The following ERBB4 variants were observed in gnomAD, a reference collection of about 807,000 sequenced individuals.
The protein encoded by ERBB4 is erb-b2 receptor tyrosine kinase 4.
A neutral mutation model predicts 158.0 loss-of-function variants in ERBB4; 42 were observed. The observed-to-expected ratio is 0.27, with a 90% confidence interval of 0.21 to 0.34. The LOEUF (loss-of-function observed/expected upper bound fraction) is 0.34, where lower values mean the gene tolerates loss of function less well. Ranked by LOEUF, ERBB4 falls within the 10% of genes least tolerant of loss-of-function variation. ERBB4 has a pLI of 1.00. For missense variants in ERBB4, 1,333 were observed against 1,624.1 expected (o/e 0.82, Z 3.08); for synonymous variants, 583 against 558.7 (o/e 1.04, Z -0.61).
chr2:211,422,200 G>A lies in ERBB4; in HGVS notation c.2867-96C>T, dbSNP rs1417789586. The stretch of plus-strand genomic sequence containing the variant: ...AAATATGAGCAAAAGTTTGAAAAAT[G>A]TTGTTTTAATCGTAATGATCTGAGA... On this transcript the variant is annotated intron_variant, in intron 23 of 27. Transcript: ENST00000342788. 4.0e-6 allele frequency: 3 copies of A among 752,210 alleles called. No homozygotes were observed. The African/African-American group carries it at 5.3e-5, about 13-fold the overall frequency. The allele number at this position is 752,210 out of a possible 1,614,324, so 46.6% of individuals were successfully genotyped here.
At chr2:211,988,543 A>C (rs1464879116) in intron 2 of ERBB4, among the ~76,000 whole-genome samples, 1 of 152,070 alleles carries the variant, frequency 6.6e-6, no homozygotes, top group African/African-American at 2.4e-5. Flanking sequence ...GATATGCTTT[A>C]CCTTTGCCCA....
chr2:211,776,653 A>G (rs893414929), intron 4 of ERBB4, among the ~76,000 whole-genome samples: 1 of 152,240 alleles, frequency 6.6e-6, no homozygotes, highest in Non-Finnish European at 1.5e-5. Context: ...AGTGAAAATT[A>G]AAATATGAGA....
intron 3 of ERBB4, among the ~76,000 whole-genome samples, chr2:211,912,947 C>A (rs1231871072): frequency 2.0e-5 from 3 of 152,190 alleles, no homozygotes; most frequent in Non-Finnish European, 4.4e-5. Context: ...TTCTCCCTAT[C>A]ATCACCTGTC....
At chr2:212,423,362 C>T (rs2091840657) in intron 1 of ERBB4, among the ~76,000 whole-genome samples, 1 of 152,096 alleles carries the variant, frequency 6.6e-6, no homozygotes, top group African/African-American at 2.4e-5. Flanking sequence ...ATCTGAATCA[C>T]AGAAAAAAGA....
At chr2:211,404,644 G>GTGTT (rs879934899) in intron 25 of ERBB4, among the ~76,000 whole-genome samples, 5 of 151,890 alleles carry the variant, frequency 3.3e-5, no homozygotes, top group Admixed American at 6.6e-5. Context: ...TCTTGGTTAA[G>GTGTT]TGTTTGTTTG....
chr2:212,309,285 C>T (rs527383316), intron 1 of ERBB4, among the ~76,000 whole-genome samples: 43 of 150,956 alleles, frequency 2.8e-4, no homozygotes, highest in African/African-American at 1.0e-3. Context: ...CTCATTTAAA[C>T]CTGCAAGCAC....
chr2:212,334,979 A>C (rs2106304533), intron 1 of ERBB4, among the ~76,000 whole-genome samples: 1 of 152,028 alleles, frequency 6.6e-6, no homozygotes, highest in Admixed American at 6.6e-5. Context: ...TATTTGGATA[A>C]ATTCTTGAAA....
chr2:212,335,554 G>T (rs145921381), intron 1 of ERBB4, among the ~76,000 whole-genome samples: 1 of 151,740 alleles, frequency 6.6e-6, no homozygotes, highest in Non-Finnish European at 1.5e-5. Flanking sequence ...ATGCATTTTC[G>T]TTTGATTCAA....
intron 1 of ERBB4, among the ~76,000 whole-genome samples, chr2:212,185,165 T>C (rs1250722180): frequency 6.6e-6 from 1 of 151,880 alleles, no homozygotes; most frequent in Non-Finnish European, 1.5e-5. Flanking sequence ...GGATTACAGG[T>C]GCACACCACC....
At chr2:211,906,406 G>A (rs9288444) in intron 3 of ERBB4, among the ~76,000 whole-genome samples, 11,831 of 152,078 alleles carry the variant, frequency 0.078, 643 homozygotes, top group South Asian at 0.23. Context: ...GAACTATAGA[G>A]GAAGCATGTT....
chr2:212,202,369 G>T (rs1400163607), intron 1 of ERBB4, among the ~76,000 whole-genome samples: 1 of 151,626 alleles, frequency 6.6e-6, no homozygotes, highest in African/African-American at 2.4e-5. Flanking sequence ...TTATTTTTTT[G>T]AGATAGGGTC....
At chr2:211,544,869 C>T (rs1253485487) in intron 20 of ERBB4, among the ~76,000 whole-genome samples, 1 of 152,012 alleles carries the variant, frequency 6.6e-6, no homozygotes, top group Non-Finnish European at 1.5e-5. Context: ...CATTACTTTC[C>T]CTTATGGTTT....
intron 3 of ERBB4, among the ~76,000 whole-genome samples, chr2:211,830,021 A>G (rs1427958666): frequency 1.3e-5 from 2 of 152,154 alleles, no homozygotes; most frequent in African/African-American, 4.8e-5. Flanking sequence ...AGGCTCAGCA[A>G]AAGTTTCACC....
At chr2:212,478,302 C>A (rs998787232) in intron 1 of ERBB4, among the ~76,000 whole-genome samples, 1 of 151,982 alleles carries the variant, frequency 6.6e-6, no homozygotes, top group South Asian at 2.1e-4. Context: ...TCATTTATAA[C>A]GGGGAGAATT....
chr2:211,683,511 T>C (rs117647785), intron 12 of ERBB4, among the ~76,000 whole-genome samples: 2,318 of 152,308 alleles, frequency 0.015, 35 homozygotes, highest in East Asian at 0.056. Context: ...GTTGTGTTTA[T>C]TGTTTGTTTC....
At chr2:212,289,767 T>A (rs1179617264) in intron 1 of ERBB4, among the ~76,000 whole-genome samples, 1 of 152,160 alleles carries the variant, frequency 6.6e-6, no homozygotes, top group East Asian at 1.9e-4. Flanking sequence ...TGGGGCTTTT[T>A]TGTTCCCTTA....
chr2:212,442,217 G>T (rs2092269031), intron 1 of ERBB4, among the ~76,000 whole-genome samples: 2 of 152,046 alleles, frequency 1.3e-5, no homozygotes, highest in Non-Finnish European at 2.9e-5. Context: ...TTTATATAAG[G>T]AGAAAACTTC....
At chr2:212,412,917 C>G (rs2091538369) in intron 1 of ERBB4, among the ~76,000 whole-genome samples, 1 of 151,920 alleles carries the variant, frequency 6.6e-6, no homozygotes, top group African/African-American at 2.4e-5. Context: ...AGAATAATTC[C>G]CTCTGTATTG....
intron 18 of ERBB4, among the ~76,000 whole-genome samples, chr2:211,622,736 C>T (rs1829613): frequency 0.78 from 117,205 of 150,736 alleles, 47,763 homozygotes; most frequent in Non-Finnish European, 0.89. Flanking sequence ...GAAGCCAAGG[C>T]GGGTAGATCA....
Sources: gnomAD v4.1 joint callset for allele counts (sites outside exome capture counted in the v4.1 genomes callset) on GRCh38, gnomAD v4.1.1 for gene constraint, MANE v1.5 for transcripts, NCBI Gene and HGNC (gene_info 2026-07-23, HGNC 2026-07-21) for gene names.